The following RALGPS1 variants were observed in gnomAD, a reference collection of about 807,000 sequenced individuals.
The protein encoded by RALGPS1 is Ral GEF with PH domain and SH3 binding motif 1.
RALGPS1 carries 19 observed loss-of-function variants against 78.8 expected under a neutral mutation model. The observed-to-expected ratio is 0.24, with a 90% confidence interval of 0.17 to 0.35. RALGPS1 has a LOEUF of 0.35. Among genes scored for constraint, RALGPS1 ranks in the 10% least tolerant of loss-of-function variants. The pLI, the probability that RALGPS1 is intolerant of heterozygous loss-of-function variation, is 1.00. For missense variants in RALGPS1, 454 were observed against 688.3 expected (o/e 0.66, Z 3.81); for synonymous variants, 228 against 256.3 (o/e 0.89, Z 1.06).
At chr9:127,130,300 C>T (rs899950760) in intron 8 of RALGPS1, among the ~76,000 whole-genome samples, 7 of 152,332 alleles carry the variant, frequency 4.6e-5, no homozygotes, top group East Asian at 1.9e-4. Context: ...TGTCCTAGTG[C>T]AATATTGGAG....
chr9:127,216,799 T>C, intron 18 of RALGPS1: 1 of 1,029,388 alleles, frequency 9.7e-7, no homozygotes. Flanking sequence ...AAGAGCATCC[T>C]GGCCTCCTCC....
intron 3 of RALGPS1, among the ~76,000 whole-genome samples, chr9:126,973,470 G>A (rs1356128318): frequency 6.6e-6 from 1 of 152,178 alleles, no homozygotes; most frequent in African/African-American, 2.4e-5. Context: ...ATATACTTGA[G>A]TGATTAAATT....
At chr9:127,151,076 C>T (rs915479891) in intron 8 of RALGPS1, among the ~76,000 whole-genome samples, 3 of 151,862 alleles carry the variant, frequency 2.0e-5, no homozygotes, top group Non-Finnish European at 4.4e-5. Context: ...CCCAGCTACT[C>T]GGGAAGCTAA....
At chr9:127,063,512 C>G (rs886837052) in intron 7 of RALGPS1, among the ~76,000 whole-genome samples, 9 of 151,944 alleles carry the variant, frequency 5.9e-5, no homozygotes, top group Non-Finnish European at 1.5e-5. Flanking sequence ...GAAATTTTAC[C>G]TATTTTATTG....
At position 127,069,361 on chromosome 9, in the gene RALGPS1, G is replaced by A; in HGVS notation, c.610+5G>A. ...TTCCAAGTATTCCCTATCTAGGTAGGAGTTTGAATTGGCTTATTTTTTTTT... is the reference window on the plus strand; with the variant it reads ...TTCCAAGTATTCCCTATCTAGGTAGAAGTTTGAATTGGCTTATTTTTTTTT... On this transcript the variant is annotated splice_donor_5th_base_variant and intron_variant, in intron 8 of 18. Coordinates refer to ENST00000259351, the MANE Select transcript of RALGPS1 (RefSeq NM_014636.3). 1 of 1,613,140 alleles carries A rather than the reference G, an allele frequency of 6.2e-7. No individual in the cohort carries two copies. Among genetic ancestry groups the A allele is most frequent in the Non-Finnish European group, 8.5e-7 (1 of 1,179,580 alleles).
chr9:127,032,716 G>T (rs2046531834), intron 4 of RALGPS1, among the ~76,000 whole-genome samples: 1 of 152,212 alleles, frequency 6.6e-6, no homozygotes, highest in South Asian at 2.1e-4. Flanking sequence ...TAGCCTGGGT[G>T]CAGTGGCTCA....
chr9:127,178,114 G>A (rs1196591340), intron 11 of RALGPS1: 14 of 998,318 alleles, frequency 1.4e-5, no homozygotes, highest in Non-Finnish European at 1.8e-5. Flanking sequence ...AGGGATGGCT[G>A]AGTTCTGGAG....
chr9:127,207,253 T>A (rs1156278581), intron 14 of RALGPS1, among the ~76,000 whole-genome samples: 1 of 152,116 alleles, frequency 6.6e-6, no homozygotes, highest in East Asian at 1.9e-4. Flanking sequence ...GTACACCCCT[T>A]GGGACTGAAG....
chr9:127,073,303 T>C (rs2050366762), intron 8 of RALGPS1, among the ~76,000 whole-genome samples: 1 of 152,210 alleles, frequency 6.6e-6, no homozygotes, highest in African/African-American at 2.4e-5. Flanking sequence ...GATCAGCTTT[T>C]TTAGCTAGCA....
chr9:127,029,803 G>A lies in RALGPS1; in HGVS notation c.217-4628G>A, dbSNP rs72764355. Among the ~76,000 whole-genome samples, 1,333 of 152,276 alleles carry A rather than the reference G, an allele frequency of 8.8e-3. 8 individuals are homozygous for A. The highest frequency in any genetic ancestry group is 0.014 in the Non-Finnish European group (945 of 68,008). ...CGTGATGGACTCCAGACACGGTCAGGGTTGGGCCTGTCTCAGCTCACCTCA... is the reference window on the plus strand; with the variant it reads ...CGTGATGGACTCCAGACACGGTCAGAGTTGGGCCTGTCTCAGCTCACCTCA... On this transcript the variant is annotated intron_variant, in intron 4 of 18. Transcript: ENST00000259351.
chr9:127,001,999 T>G (rs887713302), intron 4 of RALGPS1, among the ~76,000 whole-genome samples: 2 of 152,206 alleles, frequency 1.3e-5, no homozygotes, highest in Admixed American at 1.3e-4. Flanking sequence ...TTAAAATGCA[T>G]ATAATCAGGT....
Position 127,069,283 on chromosome 9 carries a change from G to A in RALGPS1, c.537G>A (p.Ser179=), listed in dbSNP as rs759319353. The A allele has an allele frequency of 6.2e-6, 10 of 1,613,348 alleles. No homozygotes were observed. In the East Asian group the frequency reaches 6.7e-5, roughly 11 times the overall value. ...TTGAGAAATTGGACTACCTGATGTCGAAAGAAGATAATTACAAGCGGACAC... is the reference window on the plus strand; with the variant it reads ...TTGAGAAATTGGACTACCTGATGTCAAAAGAAGATAATTACAAGCGGACAC... The part of the protein sequence containing the change: ...TTFEKLDYLM[S]KEDNYKRTRE... Residue 179 remains serine, a synonymous_variant, in exon 8 of 19, where the codon TCG becomes TCA. Coordinates refer to ENST00000259351, the MANE Select transcript of RALGPS1 (RefSeq NM_014636.3).
At chr9:127,081,916 G>T (rs1265821304) in intron 8 of RALGPS1, among the ~76,000 whole-genome samples, 2 of 152,248 alleles carry the variant, frequency 1.3e-5, no homozygotes, top group South Asian at 4.1e-4. Flanking sequence ...GATTGTCTGC[G>T]TCTGGGCTCC....
At chr9:127,058,264 A>G (rs1402890166) in intron 7 of RALGPS1, among the ~76,000 whole-genome samples, 1 of 152,244 alleles carries the variant, frequency 6.6e-6, no homozygotes, top group African/African-American at 2.4e-5. Context: ...TCAAAGCCTG[A>G]GAGAGGAGTT....
intron 8 of RALGPS1, among the ~76,000 whole-genome samples, chr9:127,125,316 C>T (rs1376023789): frequency 6.6e-6 from 1 of 152,190 alleles, no homozygotes; most frequent in South Asian, 2.1e-4. Context: ...GCCCTCCTTT[C>T]GTGTAGCCCA....
At chr9:127,214,685 A>T (rs540294115) in intron 17 of RALGPS1, 66 bp from the exon 18 acceptor site, 5 of 1,552,290 alleles carry the variant, frequency 3.2e-6, no homozygotes, top group Non-Finnish European at 4.3e-6. Context: ...ATTTCTCTTT[A>T]TGCCAGTCAC....
At chr9:126,953,390 TGC>T (rs1000962230) in intron 1 of RALGPS1, among the ~76,000 whole-genome samples, 2 of 151,740 alleles carry the variant, frequency 1.3e-5, no homozygotes, top group Non-Finnish European at 2.9e-5. Context: ...TGTGTGTGTG[TGC>T]GCGTGTGTGT....
chr9:127,042,855 A>T (rs2047438358), intron 5 of RALGPS1, among the ~76,000 whole-genome samples: 1 of 152,200 alleles, frequency 6.6e-6, no homozygotes, highest in Non-Finnish European at 1.5e-5. Flanking sequence ...ACAAGAGTCA[A>T]TTGATTTCCT....
intron 8 of RALGPS1, among the ~76,000 whole-genome samples, chr9:127,138,490 G>A (rs1414519601): frequency 2.0e-5 from 3 of 152,188 alleles, no homozygotes; most frequent in African/African-American, 7.2e-5. Flanking sequence ...GACAGTGCAA[G>A]AGGCAGAACC....
Sources: allele counts gnomAD v4.1 joint callset (sites outside exome capture counted in the v4.1 genomes callset), GRCh38; gene constraint gnomAD v4.1.1; transcripts MANE v1.5; gene names NCBI Gene and HGNC (gene_info 2026-07-23, HGNC 2026-07-21).